The following PDE3B variants were observed in gnomAD, a reference collection of about 807,000 sequenced individuals.
PDE3B encodes the protein phosphodiesterase 3B.
PDE3B carries 66 observed loss-of-function variants against 116.8 expected under a neutral mutation model. The ratio of observed to expected loss-of-function variants is 0.56; its 90% CI spans 0.46 to 0.69. The LOEUF is 0.69. Among genes scored for constraint, PDE3B ranks in the 30% least tolerant of loss-of-function variants. The pLI is 0.00. For synonymous variants in PDE3B, 595 were observed against 533.6 expected, an observed-to-expected ratio of 1.12 and a Z score of -1.59; for missense variants, 1,384 against 1,368.1, an observed-to-expected ratio of 1.01 and a Z score of -0.18.
chr11:14,648,801 C>T (rs1590028450), intron 1 of PDE3B, among the ~76,000 whole-genome samples: 1 of 152,086 alleles, frequency 6.6e-6, no homozygotes, highest in African/African-American at 2.4e-5. Context: ...GGGACACTCC[C>T]TCTCCACATG....
intron 1 of PDE3B, among the ~76,000 whole-genome samples, chr11:14,672,030 TATATATATATATATAC>T (rs1346840063): frequency 5.3e-5 from 7 of 132,424 alleles, no homozygotes; most frequent in Non-Finnish European, 1.6e-5. Context: ...AAAAAAAAAA[TATATATATATATATAC>T]ATATATATAT....
At chr11:14,732,514 G>A (rs1370879003) in intron 1 of PDE3B, among the ~76,000 whole-genome samples, 2 of 152,148 alleles carry the variant, frequency 1.3e-5, no homozygotes, top group Non-Finnish European at 2.9e-5. Context: ...ATTCATTTTA[G>A]TGTCATTTTT....
At chr11:14,673,980 G>A (rs1229832964) in intron 1 of PDE3B, 27 of 1,355,526 alleles carry the variant, frequency 2.0e-5, no homozygotes, top group Non-Finnish European at 2.7e-5. Context: ...CTCAAGAATG[G>A]AATCCACATT....
intron 5 of PDE3B, among the ~76,000 whole-genome samples, chr11:14,804,933 T>G (rs1590159411): frequency 6.6e-6 from 1 of 152,048 alleles, no homozygotes; most frequent in Non-Finnish European, 1.5e-5. Context: ...AATACAAAAG[T>G]AGTGAACTTG....
chr11:14,797,571 G>A (rs1858596738), intron 4 of PDE3B, among the ~76,000 whole-genome samples: 1 of 152,168 alleles, frequency 6.6e-6, no homozygotes, highest in South Asian at 2.1e-4. Context: ...AGCATGGAAT[G>A]TTTTTTCATT....
At chr11:14,883,923 T>C in the PDE3B span, among the ~76,000 whole-genome samples, 27 of 151,916 alleles carry the variant, frequency 1.8e-4, no homozygotes, top group Admixed American at 1.4e-3. Context: ...AAAAAACACA[T>C]GAAAAAATGC....
At chr11:14,792,729 C>T (rs971388053) in intron 4 of PDE3B, among the ~76,000 whole-genome samples, 1 of 152,124 alleles carries the variant, frequency 6.6e-6, no homozygotes, top group African/African-American at 2.4e-5. Flanking sequence ...TCAAGCTGAA[C>T]TATTTGATCT....
intron 1 of PDE3B, among the ~76,000 whole-genome samples, chr11:14,751,517 T>C (rs139383737): frequency 6.6e-6 from 1 of 152,192 alleles, no homozygotes; most frequent in East Asian, 1.9e-4. Context: ...AAATTATTCC[T>C]TAAAACTTGT....
chr11:14,836,343 GT>G (rs1227930571), intron 11 of PDE3B, among the ~76,000 whole-genome samples: 2 of 152,012 alleles, frequency 1.3e-5, no homozygotes, highest in African/African-American at 2.4e-5. Flanking sequence ...AATATAATAT[GT>G]TCCTTTTTCT....
Position 14,831,637 on chromosome 11 carries a change from C to A in PDE3B, c.1957-3C>A. ...TAAAGTTGTTGTTTCCCTGTATGTA[C>A]AGATTGAACAGGAAGTATCACTGGA... On this transcript the variant is annotated splice_region_variant and splice_polypyrimidine_tract_variant and intron_variant, in intron 8 of 15. Coordinates refer to ENST00000282096, the MANE Select transcript of PDE3B (RefSeq NM_000922.4). 2 of 1,549,870 alleles carry A rather than the reference C, an allele frequency of 1.3e-6. No individual in the cohort carries two copies. The highest frequency in any genetic ancestry group is 8.8e-7 in the Non-Finnish European group (1 of 1,142,670).
At chr11:14,841,347 C>CA in intron 11 of PDE3B, among the ~76,000 whole-genome samples, 1 of 140,564 alleles carries the variant, frequency 7.1e-6, no homozygotes, top group Non-Finnish European at 1.5e-5. Flanking sequence ...CTCTCTCTCT[C>CA]TATATATATA....
chr11:14,883,097 G>A, the PDE3B span, among the ~76,000 whole-genome samples: 2 of 152,154 alleles, frequency 1.3e-5, no homozygotes, highest in African/African-American at 4.8e-5. Context: ...TCATGAAAAT[G>A]GCCATACTGC....
chr11:14,817,672 T>A (rs540805247), intron 5 of PDE3B, among the ~76,000 whole-genome samples: 21 of 151,994 alleles, frequency 1.4e-4, no homozygotes, highest in African/African-American at 4.8e-4. Flanking sequence ...GGAGGTTGAG[T>A]CTGCAGTGAG....
At chr11:14,813,561 T>C (rs1438480685) in intron 5 of PDE3B, among the ~76,000 whole-genome samples, 1 of 152,198 alleles carries the variant, frequency 6.6e-6, no homozygotes, top group African/African-American at 2.4e-5. Flanking sequence ...CACAACTACA[T>C]AATCCAGGAT....
chr11:14,745,797 A>G (rs1460915072), intron 1 of PDE3B, among the ~76,000 whole-genome samples: 1 of 152,122 alleles, frequency 6.6e-6, no homozygotes, highest in African/African-American at 2.4e-5. Flanking sequence ...TGACAGGAAA[A>G]GGAAAAGAAT....
chr11:14,800,864 C>CT (rs1292899831), intron 4 of PDE3B, among the ~76,000 whole-genome samples: 2 of 151,980 alleles, frequency 1.3e-5, no homozygotes, highest in South Asian at 2.1e-4. Context: ...TCTTTTTATT[C>CT]TTTTTTCTCT....
intron 1 of PDE3B, among the ~76,000 whole-genome samples, chr11:14,651,652 T>A (rs2133748500): frequency 6.6e-6 from 1 of 152,330 alleles, no homozygotes; most frequent in Admixed American, 6.5e-5. Flanking sequence ...GTGATTGTAA[T>A]CTGCATTTTT....
chr11:14,658,088 G>A (rs1853769797), intron 1 of PDE3B, among the ~76,000 whole-genome samples: 1 of 152,014 alleles, frequency 6.6e-6, no homozygotes, highest in Non-Finnish European at 1.5e-5. Context: ...TCCATCTAGT[G>A]GGTAGGCTTC....
chr11:14,771,974 A>G lies in PDE3B; in HGVS notation c.1016A>G (p.Lys339Arg), dbSNP rs751670797. Residue 339 changes from lysine (K) to arginine (R), a missense_variant, in exon 2 of 16, where the codon AAG becomes AGG. Coordinates refer to ENST00000282096, the MANE Select transcript of PDE3B (RefSeq NM_000922.4). The part of the protein sequence containing the change: ...LWDWDLKQWY[K>R]PHYQNSGGGN... Reference sequence around the variant, plus strand: ...GATTGGGACTTAAAACAATGGTATAAGCCTCATTATCAAGTAAGTATAATT... The same window carrying G: ...GATTGGGACTTAAAACAATGGTATAGGCCTCATTATCAAGTAAGTATAATT... 1 of 1,332,680 alleles carries G rather than the reference A, an allele frequency of 7.5e-7. No homozygotes were observed. Among genetic ancestry groups the G allele is most frequent in the South Asian group, 1.4e-5 (1 of 69,368 alleles). The allele number at this position is 1,332,680 out of a possible 1,614,324, so 82.6% of individuals were successfully genotyped here.
Sources: gnomAD v4.1 joint callset for allele counts (sites outside exome capture counted in the v4.1 genomes callset) on GRCh38, gnomAD v4.1.1 for gene constraint, MANE v1.5 for transcripts, NCBI Gene and HGNC (gene_info 2026-07-23, HGNC 2026-07-21) for gene names.